F10: variants seen among roughly 807,000 people sequenced by gnomAD.
F10 encodes the protein Stuart-Prower factor.
In F10, 29 loss-of-function variants were observed where a neutral mutation model predicts 37.1. The observed-to-expected ratio is 0.78, with a 90% CI of 0.58 to 1.07. F10 has a LOEUF of 1.07. Ranked by LOEUF, F10 falls within the 50% of genes least tolerant of loss-of-function variation. The pLI, the probability that F10 is intolerant of heterozygous loss-of-function variation, is 0.00. For missense variants in F10, 539 were observed against 667.9 expected, an observed-to-expected ratio of 0.81 and a Z score of 2.13; for synonymous variants, 262 against 268.6, an observed-to-expected ratio of 0.98 and a Z score of 0.24.
chr13:113,126,656 A>G (rs1328991058), intron 1 of F10, among the ~76,000 whole-genome samples: 1 of 152,182 alleles, frequency 6.6e-6, no homozygotes, highest in Admixed American at 6.5e-5. Flanking sequence ...CAAGGGGAAG[A>G]GAGAAGGTAC....
rs3211781 is a variant in F10 at position 113,143,684 on chromosome 13, C to T, written c.503-167C>T. On this transcript the variant is annotated intron_variant, in intron 5 of 7. Transcript: ENST00000375559. This position sits in a 1 kb window ranked among gnomAD's most constrained non-coding sequence, Gnocchi z 6.8. ...GGACAGCTGCGCTCACCTGCAGATC[C>T]GACCCCTGCCGACGACGTGGGGCCT... is the stretch of plus-strand genomic sequence containing the variant. Among the ~76,000 whole-genome samples, 566 of 152,254 alleles carry T rather than the reference C, an allele frequency of 3.7e-3. 3 individuals are homozygous for T. The highest frequency in any genetic ancestry group is 0.013 in the Admixed American group (203 of 15,300).
rs770904651 is a variant in F10 at position 113,149,265 on chromosome 13, C to T, written c.1215C>T (p.Ala405=). ...SFIITQNMFC[A]GYDTKQEDAC... Reference sequence around the variant, plus strand: ...TCATCACCCAGAACATGTTCTGTGCCGGCTACGACACCAAGCAGGAGGATG... The same window carrying T: ...TCATCACCCAGAACATGTTCTGTGCTGGCTACGACACCAAGCAGGAGGATG... The change falls in exon 8 of 8, where the codon GCC becomes GCT. Residue 405 remains alanine, a synonymous_variant. Transcript: ENST00000375559. The surrounding 1 kb of genome is among the most constrained non-coding windows in gnomAD (Gnocchi z 7.5). 7 of 1,613,058 alleles carry T rather than the reference C, an allele frequency of 4.3e-6. No homozygotes were observed. The highest frequency in any genetic ancestry group is 1.1e-5 in the South Asian group (1 of 91,088).
intron 7 of F10, among the ~76,000 whole-genome samples, chr13:113,148,345 A>AAAAATAT (rs1300922846): frequency 2.1e-5 from 2 of 95,436 alleles, no homozygotes; most frequent in African/African-American, 7.9e-5. Flanking sequence ...AAAAAAAAAA[A>AAAAATAT]ATATATATAT....
chr13:113,133,323 A>C (rs888999931), intron 2 of F10, among the ~76,000 whole-genome samples: 1 of 152,172 alleles, frequency 6.6e-6, no homozygotes, highest in Admixed American at 6.5e-5. Flanking sequence ...AAACAAACAA[A>C]AACAAGAAAA....
intron 5 of F10, among the ~76,000 whole-genome samples, chr13:113,142,293 G>T (rs907609065): frequency 1.4e-4 from 22 of 152,072 alleles, no homozygotes; most frequent in Admixed American, 9.8e-4. Flanking sequence ...TGTAATCCCA[G>T]CATTTTGGGA....
At chr13:113,137,226 T>G (rs1160803426) in intron 2 of F10, among the ~76,000 whole-genome samples, 2 of 152,254 alleles carry the variant, frequency 1.3e-5, no homozygotes, top group Non-Finnish European at 1.5e-5. Context: ...GGCTTTGTAT[T>G]GAATGAAAAG....
At chr13:113,137,993 T>A (rs570404037) in intron 2 of F10, among the ~76,000 whole-genome samples, 1 of 152,214 alleles carries the variant, frequency 6.6e-6, no homozygotes, top group African/African-American at 2.4e-5. Flanking sequence ...ACAATAAGCC[T>A]GTGGACATTT....
At chr13:113,133,431 T>C (rs1269188764) in intron 2 of F10, among the ~76,000 whole-genome samples, 5 of 152,150 alleles carry the variant, frequency 3.3e-5, no homozygotes, top group South Asian at 2.1e-4. Flanking sequence ...TCTGCATATA[T>C]AAATTTGCAT....
chr13:113,126,415 G>A (rs1305433145), intron 1 of F10, among the ~76,000 whole-genome samples: 1 of 152,172 alleles, frequency 6.6e-6, no homozygotes, highest in Non-Finnish European at 1.5e-5. Flanking sequence ...TCAGCCTGGG[G>A]ATGCTCGGGG....
chr13:113,148,971 G>A lies in F10; in HGVS notation c.921G>A (p.Val307=), dbSNP rs140955427. The A allele has an allele frequency of 1.9e-4, 299 of 1,613,498 alleles. No individual in the cohort carries two copies. The African/African-American group carries it at 3.6e-3, about 19-fold the overall frequency. Residue 307 remains valine, a synonymous_variant, in exon 8 of 8, where the codon GTG becomes GTA. Transcript: ENST00000375559. ...EGGEAVHEVE[V]VIKHNRFTKE... ...GTGAGGCGGTGCACGAGGTGGAGGTGGTCATCAAGCACAACCGGTTCACAA... is the reference window on the plus strand; with the variant it reads ...GTGAGGCGGTGCACGAGGTGGAGGTAGTCATCAAGCACAACCGGTTCACAA...
At chr13:113,129,787 A>T (rs894169300) in intron 2 of F10, among the ~76,000 whole-genome samples, 175 bp downstream of exon 2, 1 of 152,170 alleles carries the variant, frequency 6.6e-6, no homozygotes, top group South Asian at 2.1e-4. Flanking sequence ...GCCCACAGGG[A>T]CATCAGTGCC....
In F10 at chr13:113,140,916, C is replaced by T; in HGVS notation, c.371-3C>T. On this transcript the variant is annotated splice_region_variant and splice_polypyrimidine_tract_variant and intron_variant, in intron 4 of 7. Coordinates refer to ENST00000375559, the MANE Select transcript of F10 (RefSeq NM_000504.4). The stretch of plus-strand genomic sequence containing the variant: ...CCAGAGCCAACGTGCCTCTCCTTTG[C>T]AGTCACACGGAAGCTCTGCAGCCTG... 6.2e-7 allele frequency: 1 copy of T among 1,614,054 alleles called. No individual in the cohort carries two copies. The highest frequency in any genetic ancestry group is 8.5e-7 in the Non-Finnish European group (1 of 1,180,046).
chr13:113,149,024 T>A lies in F10; in HGVS notation c.974T>A (p.Val325Glu). 6.2e-7 allele frequency: 1 copy of A among 1,613,404 alleles called. No individual in the cohort carries two copies. The highest frequency in any genetic ancestry group is 8.5e-7 in the Non-Finnish European group (1 of 1,180,002). The change falls in exon 8 of 8, where the codon GTG becomes GAG. Residue 325 changes from valine to glutamate, a missense_variant. Val to Glu is a moderately radical substitution (Grantham distance 121, BLOSUM62 -2). Coordinates refer to ENST00000375559, the MANE Select transcript of F10 (RefSeq NM_000504.4). The surrounding 1 kb of genome is among the most constrained non-coding windows in gnomAD (Gnocchi z 7.5). The stretch of plus-strand genomic sequence containing the variant: ...GAGACCTATGACTTCGACATCGCCG[T>A]GCTCCGGCTCAAGACCCCCATCACC... ...TKETYDFDIA[V>E]LRLKTPITFR...
Position 113,144,232 on chromosome 13 carries a change from C to A in F10, c.747+137C>A. On this transcript the variant is annotated intron_variant, in intron 6 of 7. Transcript: ENST00000375559. This position sits in a 1 kb window ranked among gnomAD's most constrained non-coding sequence, Gnocchi z 6.4. ...AACTAGGACAGAGGGGCTCCGCCAC[C>A]CAAGCCTGCCTGCCTGTCCCCTCCC... is the stretch of plus-strand genomic sequence containing the variant. The A allele has an allele frequency of 7.5e-7, 1 of 1,336,496 alleles. No homozygotes were observed. Among genetic ancestry groups the A allele is most frequent in the Non-Finnish European group, 1.0e-6 (1 of 970,282 alleles). The allele number at this position is 1,336,496 out of a possible 1,614,324, so 82.8% of individuals were successfully genotyped here. A position where few individuals can be genotyped will look rare whatever the true frequency, so the allele number is the denominator to read the frequency against.
intron 2 of F10, chr13:113,131,132 C>T (rs1026591705): frequency 6.6e-6 from 1 of 152,194 alleles, no homozygotes; most frequent in South Asian, 2.1e-4. Context: ...CATTGAAACC[C>T]TCATGATGAA....
rs191203480 is a variant in F10 at position 113,145,307 on chromosome 13, T to G, written c.747+1212T>G. On this transcript the variant is annotated intron_variant, in intron 6 of 7. Coordinates refer to ENST00000375559, the MANE Select transcript of F10 (RefSeq NM_000504.4). ...ACCCAAAGTGCTGGAGTTACAGGTG[T>G]GAGCCACTATACCAGGTCCTAATCT... 6.2e-3 allele frequency among the ~76,000 whole-genome samples: 946 copies of G among 152,350 alleles called. 12 individuals are homozygous for G. Among genetic ancestry groups the G allele is most frequent in the African/African-American group, 0.021 (885 of 41,576 alleles).
At chr13:113,137,314 ATAGAT>A (rs1361543127) in intron 2 of F10, among the ~76,000 whole-genome samples, 1 of 152,014 alleles carries the variant, frequency 6.6e-6, no homozygotes, top group African/African-American at 2.4e-5. Flanking sequence ...GTGATAAAGA[ATAGAT>A]TAGTGGTGGG....
intron 1 of F10, among the ~76,000 whole-genome samples, chr13:113,123,731 CAG>C (rs2142245803): frequency 6.6e-6 from 1 of 152,282 alleles, no homozygotes; most frequent in South Asian, 2.1e-4. Context: ...AGTGGATCCT[CAG>C]TGCATCACTG....
intron 4 of F10, chr13:113,140,657 G>A: frequency 1.5e-6 from 1 of 663,844 alleles, no homozygotes; most frequent in South Asian, 1.5e-5. Flanking sequence ...GCTGGGGCAG[G>A]GGGTACCGGC....
Sources: gnomAD v4.1 joint callset for allele counts (sites outside exome capture counted in the v4.1 genomes callset) on GRCh38, gnomAD v4.1.1 for gene constraint, Gnocchi (gnomAD v3.1) non-coding constraint, MANE v1.5 for transcripts, NCBI Gene and HGNC (gene_info 2026-07-23, HGNC 2026-07-21) for gene names.